TGFBR3: variants seen among roughly 807,000 people sequenced by gnomAD.
TGFBR3 encodes the protein transforming growth factor beta receptor 3.
Under a neutral mutation model 87.9 loss-of-function variants are expected in TGFBR3, and 46 were observed. The ratio of observed to expected loss-of-function variants is 0.52; its 90% CI spans 0.41 to 0.67. The LOEUF (loss-of-function observed/expected upper bound fraction) is 0.67. Ranked by LOEUF, TGFBR3 falls within the 30% of genes least tolerant of loss-of-function variation. TGFBR3 has a pLI of 0.00. For synonymous variants in TGFBR3, 381 were observed against 391.6 expected (o/e 0.97, Z 0.32); for missense variants, 866 against 1,041.9 (o/e 0.83, Z 2.32).
At chr1:91,711,146 C>T (rs1232787170) in intron 13 of TGFBR3, among the ~76,000 whole-genome samples, 1 of 152,208 alleles carries the variant, frequency 6.6e-6, no homozygotes, top group African/African-American at 2.4e-5. Context: ...GTCCACTAAG[C>T]CCCAACCCTG....
At chr1:91,800,376 G>C (rs1675573673) in intron 2 of TGFBR3, among the ~76,000 whole-genome samples, 1 of 149,268 alleles carries the variant, frequency 6.7e-6, no homozygotes, top group Admixed American at 6.6e-5. Context: ...AGTTGTGGTG[G>C]TGCACACCTG....
chr1:91,818,032 C>G (rs1172027578), intron 2 of TGFBR3, among the ~76,000 whole-genome samples: 4 of 152,086 alleles, frequency 2.6e-5, no homozygotes, highest in Non-Finnish European at 1.5e-5. Flanking sequence ...TTCCCCCACT[C>G]CTGAAAAAGG....
chr1:91,696,782 T>C (rs1671447303), intron 15 of TGFBR3, among the ~76,000 whole-genome samples: 1 of 152,226 alleles, frequency 6.6e-6, no homozygotes, highest in Non-Finnish European at 1.5e-5. Context: ...TCCAGTGATC[T>C]CTGTATAAAT....
intron 1 of TGFBR3, among the ~76,000 whole-genome samples, chr1:91,870,597 C>G (rs1406247577): frequency 1.3e-5 from 2 of 152,212 alleles, no homozygotes; most frequent in African/African-American, 4.8e-5. Flanking sequence ...TTATCATCTA[C>G]TGAACACCTA....
chr1:91,820,672 C>T (rs146292252), intron 2 of TGFBR3, among the ~76,000 whole-genome samples: 295 of 152,032 alleles, frequency 1.9e-3, no homozygotes, highest in African/African-American at 6.9e-3. Context: ...GGTGACACAG[C>T]GAGACTCCGT....
chr1:91,754,125 T>C (rs919762556), intron 4 of TGFBR3, among the ~76,000 whole-genome samples: 4 of 152,220 alleles, frequency 2.6e-5, no homozygotes, highest in East Asian at 1.9e-4. Context: ...CATCTTTTCA[T>C]GTGTTTTTTG....
At chr1:91,843,499 A>AC (rs1310297688) in intron 2 of TGFBR3, among the ~76,000 whole-genome samples, 1 of 152,210 alleles carries the variant, frequency 6.6e-6, no homozygotes, top group Non-Finnish European at 1.5e-5. Flanking sequence ...TCTATGTGTG[A>AC]CTTATATGTG....
intron 2 of TGFBR3, among the ~76,000 whole-genome samples, chr1:91,808,225 A>T (rs570356535): frequency 6.6e-6 from 1 of 152,214 alleles, no homozygotes; most frequent in Non-Finnish European, 1.5e-5. Flanking sequence ...CCAGGACTTC[A>T]AGACCAGCCT....
At chr1:91,744,629 G>C (rs1295775048) in intron 4 of TGFBR3, among the ~76,000 whole-genome samples, 1 of 152,148 alleles carries the variant, frequency 6.6e-6, no homozygotes, top group Non-Finnish European at 1.5e-5. Context: ...TCAGACAGAA[G>C]TACGTTAAAA....
At position 91,682,428 on chromosome 1, in the gene TGFBR3, CAAG is replaced by C. The variant is rs1221113641; in HGVS notation, c.*1308_*1310del. ...TCTTTTTTTTTTTTTTTTTTTTTAA[CAAG>C]GAGGTATCACTGAGCTTATTTTAGC... is the stretch of plus-strand genomic sequence containing the variant. On this transcript the variant is annotated 3_prime_UTR_variant, in exon 17 of 17. Coordinates refer to ENST00000212355, the MANE Select transcript of TGFBR3 (RefSeq NM_003243.5). 1 of 330,992 alleles carries C rather than the reference CAAG, an allele frequency of 3.0e-6. No homozygotes were observed. Among genetic ancestry groups the C allele is most frequent in the Non-Finnish European group, 5.6e-6 (1 of 177,202 alleles). 20.5% of individuals were successfully genotyped at this position (330,992 alleles called of 1,614,324 possible). A position where few individuals can be genotyped will look rare whatever the true frequency, so the allele number is the denominator to read the frequency against.
At chr1:91,847,332 G>A (rs373121515) in intron 2 of TGFBR3, among the ~76,000 whole-genome samples, 4 of 152,020 alleles carry the variant, frequency 2.6e-5, no homozygotes, top group East Asian at 1.9e-4. Context: ...GGCCGGGCGC[G>A]GTGGCTCATG....
chr1:91,787,508 G>A (rs1034867607), intron 3 of TGFBR3, among the ~76,000 whole-genome samples: 1 of 152,106 alleles, frequency 6.6e-6, no homozygotes, highest in Admixed American at 6.5e-5. Context: ...GCTCAAGATG[G>A]GACCCAAGAG....
chr1:91,722,078 C>T lies in TGFBR3; in HGVS notation c.952G>A (p.Asp318Asn). 1.2e-6 allele frequency: 2 copies of T among 1,613,970 alleles called. No homozygotes were observed. Among genetic ancestry groups the T allele is most frequent in the Non-Finnish European group, 1.7e-6 (2 of 1,179,928 alleles). Residue 318 changes from aspartate (D) to asparagine (N), a missense_variant, in exon 8 of 17, where the codon GAT becomes AAT. Asp to Asn is a conservative substitution (Grantham distance 23). Coordinates refer to ENST00000212355, the MANE Select transcript of TGFBR3 (RefSeq NM_003243.5). ...RSMTMTKSIR[D>N]DIPSTQGNLV... ...TTCCCTTGGGTTGAAGGAATGTCAT[C>T]TCTTATTGATTTGGTCATTGTCATA...
chr1:91,696,137 TTG>T (rs1671429308), intron 15 of TGFBR3, among the ~76,000 whole-genome samples: 1 of 152,198 alleles, frequency 6.6e-6, no homozygotes, highest in Non-Finnish European at 1.5e-5. Context: ...TTAAGATGCT[TTG>T]GAAAATAAAG....
intron 1 of TGFBR3, among the ~76,000 whole-genome samples, chr1:91,879,188 G>C (rs1051631287): frequency 6.6e-6 from 1 of 151,858 alleles, no homozygotes; most frequent in Non-Finnish European, 1.5e-5. Flanking sequence ...ATAATCGCTT[G>C]AACCCAGGAG....
chr1:91,815,322 A>AAAATAAAATC (rs1676181449), intron 2 of TGFBR3, among the ~76,000 whole-genome samples: 1 of 151,508 alleles, frequency 6.6e-6, no homozygotes, highest in East Asian at 1.9e-4. Flanking sequence ...AAAATAAAAT[A>AAAATAAAATC]AAATAAAATA....
chr1:91,839,652 A>G (rs1677193746), intron 2 of TGFBR3, among the ~76,000 whole-genome samples: 1 of 152,154 alleles, frequency 6.6e-6, no homozygotes, highest in South Asian at 2.1e-4. Flanking sequence ...GAATGTCAGG[A>G]AAAAAATTAA....
At chr1:91,690,210 G>C (rs1275694593) in intron 16 of TGFBR3, among the ~76,000 whole-genome samples, 1 of 152,086 alleles carries the variant, frequency 6.6e-6, no homozygotes, top group South Asian at 2.1e-4. Context: ...AAGCAAGAGG[G>C]GTTGGCTGAA....
At chr1:91,816,047 T>C (rs2101049333) in intron 2 of TGFBR3, among the ~76,000 whole-genome samples, 1 of 152,318 alleles carries the variant, frequency 6.6e-6, no homozygotes, top group East Asian at 1.9e-4. Flanking sequence ...ATTGAAAGAC[T>C]GGGTTGGATT....
Sources: gnomAD v4.1 joint callset for allele counts (sites outside exome capture counted in the v4.1 genomes callset) on GRCh38, gnomAD v4.1.1 for gene constraint, MANE v1.5 for transcripts, NCBI Gene and HGNC (gene_info 2026-07-23, HGNC 2026-07-21) for gene names.